The following IQSEC1 variants were observed in gnomAD, a reference collection of about 807,000 sequenced individuals.
IQSEC1 encodes the protein IQ motif and SEC7 domain-containing protein 1.
In IQSEC1, 31 loss-of-function variants were observed where a neutral mutation model predicts 91.0. The ratio of observed to expected loss-of-function variants is 0.34; its 90% confidence interval spans 0.26 to 0.46. The LOEUF (loss-of-function observed/expected upper bound fraction) is 0.46. Ranked by LOEUF, IQSEC1 falls within the 20% of genes least tolerant of loss-of-function variation. The pLI is 1.00. For synonymous variants in IQSEC1, 699 were observed against 662.6 expected (o/e 1.05, Z -0.84); for missense variants, 1,388 against 1,575.6 (o/e 0.88, Z 2.02).
chr3:13,134,454 T>C (rs1468414463), intron 2 of IQSEC1, among the ~76,000 whole-genome samples: 3 of 152,252 alleles, frequency 2.0e-5, no homozygotes, highest in Non-Finnish European at 4.4e-5. Context: ...CTGGGCGTCC[T>C]GGAGCAGCCC....
In IQSEC1 at chr3:12,924,613, G is replaced by T; in HGVS notation, c.1698C>A (p.Asn566Lys). 1 of 1,609,326 alleles carries T rather than the reference G, an allele frequency of 6.2e-7. No individual in the cohort carries two copies. Among genetic ancestry groups the T allele is most frequent in the Non-Finnish European group, 8.5e-7 (1 of 1,177,296 alleles). Residue 566 changes from asparagine (N) to lysine (K), a missense_variant, in exon 4 of 14, where the codon AAC (asparagine) becomes AAA (lysine). Asn to Lys is a moderately conservative substitution (Grantham distance 94). This residue lies in a region of IQSEC1 where 1,059 missense variants were observed against 1,317.8 expected (regional missense o/e 0.80). Coordinates refer to ENST00000613206, the MANE Select transcript of IQSEC1 (RefSeq NM_001134382.3). The surrounding 1 kb of genome is among the most constrained non-coding windows in gnomAD (Gnocchi z 6.3). ...SRQMIGEFLG[N>K]RQKQFNRDVL... ...CGTCACGGTTGAACTGCTTCTGCCG[G>T]TTGCCCAGGAACTCGCCGATCATCT...
chr3:13,178,497 G>A (rs1432459438), intron 1 of IQSEC1, among the ~76,000 whole-genome samples: 2 of 152,232 alleles, frequency 1.3e-5, no homozygotes, highest in African/African-American at 2.4e-5. Flanking sequence ...CTAGCTGCAG[G>A]GGCTGGAAGT....
At chr3:12,913,312 C>A in intron 9 of IQSEC1, 116 bp downstream of exon 9, 2 of 1,142,000 alleles carry the variant, frequency 1.8e-6, no homozygotes, top group Non-Finnish European at 2.4e-6. Flanking sequence ...ACCAGGCAAA[C>A]CCTCCCTTTT....
chr3:13,259,616 A>C lies in IQSEC1; in HGVS notation c.272+23095T>G, dbSNP rs1695347568. On this transcript the variant is annotated intron_variant, in intron 1 of 15. Coordinates refer to the IQSEC1 transcript ENST00000648114. This position sits in a 1 kb window ranked among gnomAD's most constrained non-coding sequence, Gnocchi z 4.6. The stretch of plus-strand genomic sequence containing the variant: ...AAGTGTTCATTAACTTGATGATTGC[A>C]GAAGACCCACTAGGCTGTTCGTTGC... 6.6e-6 allele frequency among the ~76,000 whole-genome samples: 1 copy of C among 152,240 alleles called. No individual in the cohort carries two copies. The highest frequency in any genetic ancestry group is 1.5e-5 in the Non-Finnish European group (1 of 68,048).
At chr3:13,153,911 T>C (rs116484123) in intron 2 of IQSEC1, among the ~76,000 whole-genome samples, 1,783 of 152,132 alleles carry the variant, frequency 0.012, 48 homozygotes, top group African/African-American at 0.041. Flanking sequence ...GATGGAGGTA[T>C]GAGTGTGCCT....
chr3:13,280,734 C>T (rs921233568), intron 1 of IQSEC1, among the ~76,000 whole-genome samples: 6 of 152,226 alleles, frequency 3.9e-5, no homozygotes, highest in African/African-American at 1.4e-4. Flanking sequence ...TGCATTGTAG[C>T]AAGATTCCCA....
intron 2 of IQSEC1, among the ~76,000 whole-genome samples, chr3:13,119,635 G>A (rs1383615634): frequency 1.3e-5 from 2 of 152,244 alleles, no homozygotes; most frequent in Non-Finnish European, 2.9e-5. Flanking sequence ...AAAAGCAGAC[G>A]GTGGGCTGGA....
intron 1 of IQSEC1, among the ~76,000 whole-genome samples, chr3:13,062,169 G>C (rs1705088496): frequency 6.6e-6 from 1 of 152,094 alleles, no homozygotes; most frequent in Non-Finnish European, 1.5e-5. Flanking sequence ...CCACCCAAAG[G>C]CTCCTGATGG....
At position 12,899,771 on chromosome 3, in the gene IQSEC1, A is replaced by T. The variant is rs1694040556; in HGVS notation, c.*1212T>A. 1.0e-5 allele frequency: 10 copies of T among 985,242 alleles called. No individual in the cohort carries two copies. Among genetic ancestry groups the T allele is most frequent in the South Asian group, 9.4e-5 (2 of 21,282 alleles). 61.0% of individuals were successfully genotyped at this position (985,242 alleles called of 1,614,324 possible). On this transcript the variant is annotated 3_prime_UTR_variant, in exon 14 of 14. Coordinates refer to ENST00000613206, the MANE Select transcript of IQSEC1 (RefSeq NM_001134382.3). ...GCTAAAGTCAACCTTCAGGTTCGAG[A>T]GTGGTTCCTGATGAAAACACTCTCT...
At chr3:13,158,282 C>A (rs952589838) in intron 2 of IQSEC1, among the ~76,000 whole-genome samples, 2 of 152,238 alleles carry the variant, frequency 1.3e-5, no homozygotes, top group Non-Finnish European at 2.9e-5. Context: ...AAGAGTTCAG[C>A]TCTGTCTACC....
chr3:13,020,523 T>C (rs1427576153), intron 1 of IQSEC1, among the ~76,000 whole-genome samples: 1 of 152,194 alleles, frequency 6.6e-6, no homozygotes, highest in Non-Finnish European at 1.5e-5. Context: ...TGTGGCTGGG[T>C]TTCCCCTTTC....
rs575102960 is a variant in IQSEC1 at position 13,198,805 on chromosome 3, G to T, written c.273-34672C>A. 2.0e-5 allele frequency among the ~76,000 whole-genome samples: 3 copies of T among 152,350 alleles called. No individual in the cohort carries two copies. The South Asian group carries it at 6.2e-4, about 32-fold the overall frequency. On this transcript the variant is annotated intron_variant, in intron 1 of 15. Transcript: ENST00000648114. ...GCAAGGCACGTGGGAGCTGAAGCCA[G>T]TGCCTGCTGGAGCTCATGCCCTTGG...
At chr3:13,176,741 A>T (rs1216452716) in intron 1 of IQSEC1, among the ~76,000 whole-genome samples, 1 of 152,244 alleles carries the variant, frequency 6.6e-6, no homozygotes, top group East Asian at 1.9e-4. Flanking sequence ...TGCCGGGAAC[A>T]GGCGAGGTCC....
chr3:13,024,397 C>T (rs1249104188), intron 1 of IQSEC1, among the ~76,000 whole-genome samples: 1 of 151,054 alleles, frequency 6.6e-6, no homozygotes, highest in Non-Finnish European at 1.5e-5. Context: ...ATCCATCCAT[C>T]CATCCATCCA....
rs1003917301 is a variant in IQSEC1 at position 12,963,218 on chromosome 3, C to G, written c.24-21353G>C. The stretch of plus-strand genomic sequence containing the variant: ...GGGGACGCTTGCTATGGTTCTCCAT[C>G]GGGACCTTAAGTTCAAATCAAACTG... On this transcript the variant is annotated intron_variant, in intron 1 of 13. Coordinates refer to ENST00000613206, the MANE Select transcript of IQSEC1 (RefSeq NM_001134382.3). Among the ~76,000 whole-genome samples, 5 of 152,256 alleles carry G rather than the reference C, an allele frequency of 3.3e-5. No homozygotes were observed. The East Asian group carries it at 9.6e-4, about 29-fold the overall frequency.
chr3:13,154,523 A>T (rs1707057260), intron 2 of IQSEC1, among the ~76,000 whole-genome samples: 1 of 139,880 alleles, frequency 7.1e-6, no homozygotes, highest in East Asian at 2.1e-4. Flanking sequence ...TTCATTAGAC[A>T]GTTACTCATT....
chr3:13,117,876 C>T (rs1441532238), intron 2 of IQSEC1, among the ~76,000 whole-genome samples: 1 of 152,116 alleles, frequency 6.6e-6, no homozygotes, highest in South Asian at 2.1e-4. Context: ...CAGAGTGAGA[C>T]GCTGTCTCAA....
At chr3:13,108,643 C>T (rs1706192491) in intron 2 of IQSEC1, among the ~76,000 whole-genome samples, 1 of 152,170 alleles carries the variant, frequency 6.6e-6, no homozygotes, top group African/African-American at 2.4e-5. Flanking sequence ...ACTCATCCCT[C>T]TGAGTTTGGA....
At chr3:13,071,994 G>T (rs1404970402) in intron 1 of IQSEC1, among the ~76,000 whole-genome samples, 1 of 152,268 alleles carries the variant, frequency 6.6e-6, no homozygotes, top group Non-Finnish European at 1.5e-5. Context: ...GGGTTCCACA[G>T]GCCCCTGCCA....
Sources: gnomAD v4.1 joint callset for allele counts (sites outside exome capture counted in the v4.1 genomes callset) on GRCh38, gnomAD v4.1.1 for gene constraint, gnomAD v4.1.1 regional missense constraint, Gnocchi (gnomAD v3.1) non-coding constraint, MANE v1.5 for transcripts, NCBI Gene and HGNC (gene_info 2026-07-23, HGNC 2026-07-21) for gene names.